DAB1: variants seen among roughly 807,000 people sequenced by gnomAD.
DAB1 encodes disabled homolog 1.
DAB1 carries 15 observed loss-of-function variants against 64.6 expected under a neutral mutation model. The observed-to-expected ratio is 0.23, with a 90% CI of 0.16 to 0.36. The LOEUF (loss-of-function observed/expected upper bound fraction) is 0.36, where lower values mean the gene tolerates loss of function less well. DAB1 is among the 10% of genes least tolerant of loss of function. DAB1 has a pLI of 1.00. For synonymous variants in DAB1, 235 were observed against 251.9 expected, an observed-to-expected ratio of 0.93 and a Z score of 0.64; for missense variants, 596 against 706.7, an observed-to-expected ratio of 0.84 and a Z score of 1.78.
intron 3 of DAB1, among the ~76,000 whole-genome samples, chr1:58,489,019 C>T (rs570600735): frequency 1.6e-4 from 25 of 152,348 alleles, no homozygotes; most frequent in African/African-American, 4.8e-4. Context: ...GCGTCAGCGA[C>T]GCAGAAGACG....
At chr1:57,355,871 TAAACACAC>T (rs1679053319) in intron 1 of DAB1, among the ~76,000 whole-genome samples, 1 of 97,894 alleles carries the variant, frequency 1.0e-5, no homozygotes, top group African/African-American at 4.1e-5. Context: ...TAAACCTCAA[TAAACACAC>T]ACACACACAC....
chr1:58,436,483 T>C (rs1338507186), intron 3 of DAB1, among the ~76,000 whole-genome samples: 4 of 152,176 alleles, frequency 2.6e-5, no homozygotes, highest in African/African-American at 7.2e-5. Context: ...TCTTAGTGCA[T>C]TGAATCTCTT....
chr1:57,694,508 A>G (rs1646801309), intron 6 of DAB1, among the ~76,000 whole-genome samples: 1 of 152,176 alleles, frequency 6.6e-6, no homozygotes, highest in Non-Finnish European at 1.5e-5. Context: ...TTAGAGATAT[A>G]GAGGTAACCT....
chr1:57,717,215 C>T (rs915684907), intron 6 of DAB1, among the ~76,000 whole-genome samples: 2 of 150,046 alleles, frequency 1.3e-5, no homozygotes, highest in African/African-American at 2.5e-5. Context: ...CCAGCCTGGG[C>T]GACAGAGCGA....
intron 2 of DAB1, among the ~76,000 whole-genome samples, chr1:57,151,741 A>G (rs1659687214): frequency 6.6e-6 from 1 of 152,034 alleles, no homozygotes. Flanking sequence ...AATATATTTC[A>G]AAGATACTTT....
intron 4 of DAB1, among the ~76,000 whole-genome samples, chr1:57,085,026 C>G (rs1652931729): frequency 6.6e-6 from 1 of 152,196 alleles, no homozygotes; most frequent in East Asian, 1.9e-4. Context: ...GCACCAAACA[C>G]CGTTCTGTAG....
chr1:57,184,759 A>G (rs1024289494), intron 2 of DAB1, among the ~76,000 whole-genome samples: 2 of 152,072 alleles, frequency 1.3e-5, no homozygotes, highest in Non-Finnish European at 2.9e-5. Flanking sequence ...AGCAACACAC[A>G]CACAGAGATA....
intron 5 of DAB1, among the ~76,000 whole-genome samples, chr1:57,934,805 T>C (rs1645003172): frequency 6.6e-6 from 1 of 152,184 alleles, no homozygotes; most frequent in African/African-American, 2.4e-5. Flanking sequence ...CCATGGATCT[T>C]TCTCTCTGCA....
At chr1:57,332,965 T>C (rs970115721) in intron 1 of DAB1, among the ~76,000 whole-genome samples, 2 of 152,206 alleles carry the variant, frequency 1.3e-5, no homozygotes, top group African/African-American at 4.8e-5. Context: ...TGCTGTCTTA[T>C]CTGTTGAAAC....
intron 7 of DAB1, among the ~76,000 whole-genome samples, chr1:57,605,472 C>T (rs1037917777): frequency 1.3e-5 from 2 of 152,142 alleles, no homozygotes; most frequent in Admixed American, 6.5e-5. Context: ...ACCAAATGTG[C>T]GACCCATCCT....
chr1:57,852,057 C>T (rs1385729315), intron 1 of DAB1, among the ~76,000 whole-genome samples: 1 of 152,214 alleles, frequency 6.6e-6, no homozygotes, highest in Non-Finnish European at 1.5e-5. Flanking sequence ...GTCCTTCTGA[C>T]CTTCCCTGGC....
intron 4 of DAB1, among the ~76,000 whole-genome samples, chr1:58,342,998 G>A (rs2100506806): frequency 6.6e-6 from 1 of 152,194 alleles, no homozygotes; most frequent in South Asian, 2.1e-4. Context: ...TTGCTTATAG[G>A]CTTATGTCCA....
At chr1:57,112,031 C>T (rs1655707256) in intron 4 of DAB1, among the ~76,000 whole-genome samples, 1 of 152,184 alleles carries the variant, frequency 6.6e-6, no homozygotes, top group African/African-American at 2.4e-5. Flanking sequence ...CCATTAAACA[C>T]TATGGATTAT....
intron 7 of DAB1, among the ~76,000 whole-genome samples, chr1:57,553,920 T>C (rs960130869): frequency 6.6e-6 from 1 of 151,552 alleles, no homozygotes; most frequent in Non-Finnish European, 1.5e-5. Context: ...GAGGGGGCAA[T>C]GTTAGGAATC....
At chr1:57,466,146 AG>A (rs1318224056) in intron 7 of DAB1, among the ~76,000 whole-genome samples, 2 of 152,234 alleles carry the variant, frequency 1.3e-5, no homozygotes, top group Non-Finnish European at 2.9e-5. Context: ...TTGACTGTAC[AG>A]TCACCTCTAA....
chr1:57,429,846 T>C (rs983851878), intron 7 of DAB1, among the ~76,000 whole-genome samples: 3 of 152,202 alleles, frequency 2.0e-5, no homozygotes, highest in Non-Finnish European at 2.9e-5. Flanking sequence ...CATTGGTCTA[T>C]GTGTCAGTTT....
At chr1:58,031,142 T>C (rs1013524541) in intron 5 of DAB1, among the ~76,000 whole-genome samples, 2 of 152,168 alleles carry the variant, frequency 1.3e-5, no homozygotes, top group Non-Finnish European at 2.9e-5. Context: ...CATGAGCTAA[T>C]GACATGAGCT....
At chr1:58,042,118 G>A (rs2100506345) in intron 5 of DAB1, among the ~76,000 whole-genome samples, 1 of 152,302 alleles carries the variant, frequency 6.6e-6, no homozygotes, top group Middle Eastern at 3.4e-3. Flanking sequence ...GGGTTAAAGA[G>A]CAAAGGAAAT....
At chr1:57,982,469 G>A (rs929331309) in intron 5 of DAB1, among the ~76,000 whole-genome samples, 3 of 152,142 alleles carry the variant, frequency 2.0e-5, no homozygotes, top group East Asian at 1.9e-4. Context: ...GGTATCTGAC[G>A]TTGTGTCTGT....
Sources: allele counts gnomAD v4.1 joint callset (sites outside exome capture counted in the v4.1 genomes callset), GRCh38; gene constraint gnomAD v4.1.1; transcripts MANE v1.5; gene names NCBI Gene and HGNC (gene_info 2026-07-23, HGNC 2026-07-21).